Variants in SLC9B1 observed in about 807,000 individuals in gnomAD.
SLC9B1 encodes the protein sodium/hydrogen exchanger 9B1.
A neutral mutation model predicts 51.7 loss-of-function variants in SLC9B1; 32 were observed. The ratio of observed to expected loss-of-function variants is 0.62; its 90% CI spans 0.47 to 0.83. SLC9B1 has a LOEUF of 0.83. Ranked by LOEUF, SLC9B1 falls within the 40% of genes least tolerant of loss-of-function variation. The pLI, the probability that SLC9B1 is intolerant of heterozygous loss-of-function variation, is 0.00. For missense variants in SLC9B1, 406 were observed against 613.2 expected (o/e 0.66, Z 3.57); for synonymous variants, 145 against 212.7 (o/e 0.68, Z 2.77).
At chr4:102,905,233 A>ATTTATTTATTTATTTATTTATTTG (rs569004930) in intron 11 of SLC9B1, among the ~76,000 whole-genome samples, 36 of 149,468 alleles carry the variant, frequency 2.4e-4, no homozygotes, top group African/African-American at 8.6e-4. Context: ...TTATTTATTT[A>ATTTATTTATTTATTTATTTATTTG]TTTTTTTGAG....
chr4:103,005,261 T>TA (rs111991015), intron 1 of SLC9B1, among the ~76,000 whole-genome samples: 2,374 of 135,568 alleles, frequency 0.018, 57 homozygotes, highest in African/African-American at 0.052. Context: ...CCAAGCAAAT[T>TA]AAAAAAAAAA....
chr4:102,901,890 T>G (rs1159513306), intron 11 of SLC9B1, among the ~76,000 whole-genome samples: 1 of 152,162 alleles, frequency 6.6e-6, no homozygotes, highest in Non-Finnish European at 1.5e-5. Context: ...TGACTCACAC[T>G]CTCTAACCTT....
At chr4:102,995,099 C>T (rs1480536143) in intron 1 of SLC9B1, among the ~76,000 whole-genome samples, 11 of 152,202 alleles carry the variant, frequency 7.2e-5, no homozygotes, top group African/African-American at 2.6e-4. Flanking sequence ...AAAGTTTGAG[C>T]TGAAGTGCAC....
At chr4:103,018,508 ATAAG>A (rs1267014252) in intron 1 of SLC9B1, among the ~76,000 whole-genome samples, 1 of 152,202 alleles carries the variant, frequency 6.6e-6, no homozygotes, top group Non-Finnish European at 1.5e-5. Flanking sequence ...GGTGACAATA[ATAAG>A]TGTCATTTTT....
chr4:102,887,121 A>T (rs1418891907), intron 11 of SLC9B1, among the ~76,000 whole-genome samples: 1 of 152,194 alleles, frequency 6.6e-6, no homozygotes, highest in Admixed American at 6.5e-5. Context: ...ACTCATTCAT[A>T]GGTTTTTATT....
chr4:102,996,126 G>T (rs1189776190), intron 1 of SLC9B1, among the ~76,000 whole-genome samples: 1 of 152,000 alleles, frequency 6.6e-6, no homozygotes, highest in African/African-American at 2.4e-5. Context: ...ATTGCATTAT[G>T]AATTTAAATT....
chr4:102,963,067 T>C, intron 3 of SLC9B1: 1 of 434,458 alleles, frequency 2.3e-6, no homozygotes, highest in South Asian at 1.6e-5. Flanking sequence ...ATTCGGGGAT[T>C]TGAACCTCAA....
chr4:102,995,163 A>G (rs1464527253), intron 1 of SLC9B1, among the ~76,000 whole-genome samples: 3 of 152,184 alleles, frequency 2.0e-5, no homozygotes, highest in African/African-American at 7.2e-5. Context: ...TAATTTTTGA[A>G]TGCCTACTCT....
intron 10 of SLC9B1, 36 bp downstream of exon 10, chr4:102,906,500 T>C: frequency 9.5e-7 from 1 of 1,053,906 alleles, no homozygotes; most frequent in Non-Finnish European, 1.4e-6. Flanking sequence ...TAAATATTTT[T>C]GAATTTCATA....
chr4:102,885,085 A>G (rs970406087), exon 12 of SLC9B1: 1 of 749,482 alleles, frequency 1.3e-6, no homozygotes, highest in African/African-American at 1.7e-5. Flanking sequence ...ATTTATTCAC[A>G]GTTTTATGGA....
At chr4:102,903,599 G>GT (rs1032926484) in intron 11 of SLC9B1, among the ~76,000 whole-genome samples, 11 of 152,200 alleles carry the variant, frequency 7.2e-5, no homozygotes, top group Middle Eastern at 3.4e-3. Context: ...GATAATAGAG[G>GT]TTTTTTTTGC....
intron 7 of SLC9B1, among the ~76,000 whole-genome samples, chr4:102,913,795 C>CAAAAAAAAAAAAAA (rs1735455132): frequency 5.0e-5 from 2 of 40,208 alleles, no homozygotes; most frequent in Non-Finnish European, 4.4e-5. Context: ...GAGATAGAAA[C>CAAAAAAAAAAAAAA]TAAAAAAAAA....
chr4:102,992,600 T>A (rs983646171), intron 1 of SLC9B1, among the ~76,000 whole-genome samples: 1 of 152,206 alleles, frequency 6.6e-6, no homozygotes, highest in Non-Finnish European at 1.5e-5. Context: ...TATTACTGCA[T>A]AAAATCCTAT....
chr4:102,995,447 C>A (rs567815993), intron 1 of SLC9B1, among the ~76,000 whole-genome samples: 49 of 152,120 alleles, frequency 3.2e-4, no homozygotes, highest in African/African-American at 1.2e-3. Flanking sequence ...AGACATCAAG[C>A]GACTAGGCAG....
chr4:102,971,710 T>C lies in SLC9B1; in HGVS notation c.211+18090A>G, dbSNP rs1439081933. On this transcript the variant is annotated intron_variant, in intron 3 of 11. Coordinates refer to ENST00000296422, the MANE Select transcript of SLC9B1 (RefSeq NM_139173.4). ...TCAATGCATCCAGGAGCTGTTTTTT[T>C]GAAAAGATCAACAAAATTGATAGAC... Among the ~76,000 whole-genome samples the C allele has an allele frequency of 2.6e-5, 4 of 152,202 alleles. No individual in the cohort carries two copies. The East Asian group carries it at 7.7e-4, about 29-fold the overall frequency.
intron 7 of SLC9B1, among the ~76,000 whole-genome samples, chr4:102,915,781 G>T (rs759466217): frequency 6.6e-6 from 1 of 152,208 alleles, no homozygotes; most frequent in Non-Finnish European, 1.5e-5. Flanking sequence ...TATATATTGT[G>T]TGACACTGAT....
Position 103,015,478 on chromosome 4 carries a change from C to A in SLC9B1, c.-2+4121G>T, listed in dbSNP as rs111458861. 3.2e-3 allele frequency among the ~76,000 whole-genome samples: 488 copies of A among 152,198 alleles called. 5 individuals are homozygous for A. Among genetic ancestry groups the A allele is most frequent in the Middle Eastern group, 0.017 (5 of 294 alleles). ...CACTAATACCCAGGTGGTCTACCCA[C>A]CCAACACTCTAGTCTTTCAGTTCCT... On this transcript the variant is annotated intron_variant, in intron 1 of 11. Coordinates refer to ENST00000296422, the MANE Select transcript of SLC9B1 (RefSeq NM_139173.4).
chr4:102,994,683 G>A (rs542410217), intron 1 of SLC9B1, among the ~76,000 whole-genome samples: 31 of 152,306 alleles, frequency 2.0e-4, no homozygotes, highest in Admixed American at 7.2e-4. Context: ...TGGACTCACA[G>A]TTCCACATGG....
chr4:102,972,349 T>A (rs942993827), intron 3 of SLC9B1, among the ~76,000 whole-genome samples: 1 of 152,188 alleles, frequency 6.6e-6, no homozygotes, highest in Non-Finnish European at 1.5e-5. Flanking sequence ...CACAAATCAA[T>A]AAACGTAATC....
Sources: allele counts gnomAD v4.1 joint callset (sites outside exome capture counted in the v4.1 genomes callset), GRCh38; gene constraint gnomAD v4.1.1; transcripts MANE v1.5; gene names NCBI Gene and HGNC (gene_info 2026-07-23, HGNC 2026-07-21).